Variants in SGCD observed in about 807,000 individuals in gnomAD.
SGCD encodes the protein delta-sarcoglycan.
SGCD carries 18 observed loss-of-function variants against 36.6 expected under a neutral mutation model. The observed-to-expected ratio is 0.49, with a 90% confidence interval of 0.34 to 0.73. SGCD has a LOEUF of 0.73. SGCD is among the 30% of genes least tolerant of loss of function. The pLI, the probability that SGCD is intolerant of heterozygous loss-of-function variation, is 0.01. For synonymous variants in SGCD, 133 were observed against 130.6 expected (o/e 1.02, Z -0.12); for missense variants, 387 against 346.7 (o/e 1.12, Z -0.92).
rs557782379 is a variant in SGCD, at chr5:156,182,119, C to T, written c.-44+58100C>T. Among the ~76,000 whole-genome samples the T allele has an allele frequency of 9.9e-5, 15 of 152,080 alleles. No individual in the cohort carries two copies. The East Asian group carries it at 1.5e-3, about 16-fold the overall frequency. On this transcript the variant is annotated intron_variant, in intron 3 of 9. Transcript: ENST00000517913. ...GTCCTAACTAAAATCCCAACAGATA[C>T]GTTTGTGGAAATTGACACACTGATT...
chr5:156,217,126 G>T (rs528558218), intron 3 of SGCD, among the ~76,000 whole-genome samples: 2 of 151,968 alleles, frequency 1.3e-5, no homozygotes, highest in Non-Finnish European at 2.9e-5. Flanking sequence ...AATGAATGTC[G>T]CATGTTAATA....
chr5:156,654,676 GC>G (rs1419226154), intron 7 of SGCD, among the ~76,000 whole-genome samples: 44 of 152,220 alleles, frequency 2.9e-4, no homozygotes, highest in Middle Eastern at 3.4e-3. Context: ...TAATTGTGGA[GC>G]CCTGCTGTCT....
intron 6 of SGCD, among the ~76,000 whole-genome samples, chr5:156,598,358 A>G (rs918863554): frequency 2.0e-5 from 3 of 152,088 alleles, no homozygotes; most frequent in African/African-American, 7.2e-5. Context: ...CCTGACCAAC[A>G]TGGTGAAACC....
chr5:156,084,409 A>G (rs1761044915), intron 1 of SGCD, among the ~76,000 whole-genome samples: 1 of 152,142 alleles, frequency 6.6e-6, no homozygotes, highest in African/African-American at 2.4e-5. Context: ...TTGTTGGTAT[A>G]TAGAAATGGG....
At chr5:156,189,971 T>G (rs1266016474) in intron 3 of SGCD, among the ~76,000 whole-genome samples, 1 of 152,154 alleles carries the variant, frequency 6.6e-6, no homozygotes, top group Non-Finnish European at 1.5e-5. Context: ...TGAAAGATGT[T>G]GACAAATTAG....
At chr5:156,445,218 C>T (rs982494545) in intron 3 of SGCD, among the ~76,000 whole-genome samples, 5 of 152,012 alleles carry the variant, frequency 3.3e-5, no homozygotes, top group Admixed American at 6.6e-5. Flanking sequence ...TGCCTTATGT[C>T]GATGAGTGTG....
At chr5:155,809,739 A>G in the SGCD span, among the ~76,000 whole-genome samples, 1 of 152,234 alleles carries the variant, frequency 6.6e-6, no homozygotes, top group Non-Finnish European at 1.5e-5. Flanking sequence ...CAAACGTTTA[A>G]ATAAGTGAAT....
chr5:156,030,876 A>G (rs1759335773), intron 1 of SGCD, among the ~76,000 whole-genome samples: 1 of 152,202 alleles, frequency 6.6e-6, no homozygotes, highest in African/African-American at 2.4e-5. Context: ...AGAATATACC[A>G]TGGACTGTGT....
chr5:156,266,372 T>A (rs1345582190), intron 3 of SGCD, among the ~76,000 whole-genome samples: 2 of 152,234 alleles, frequency 1.3e-5, no homozygotes, highest in Non-Finnish European at 2.9e-5. Context: ...ACCAGTAATG[T>A]CAAAAATGTC....
At chr5:156,361,107 C>T (rs1769767283) in intron 3 of SGCD, among the ~76,000 whole-genome samples, 2 of 152,194 alleles carry the variant, frequency 1.3e-5, no homozygotes, top group African/African-American at 4.8e-5. Context: ...GCTGCAGGCC[C>T]CATATGGAGC....
intron 3 of SGCD, among the ~76,000 whole-genome samples, chr5:156,250,021 G>T (rs1765536677): frequency 6.6e-6 from 1 of 152,152 alleles, no homozygotes; most frequent in African/African-American, 2.4e-5. Context: ...CAGAATCCAA[G>T]GTAAAGAGCT....
At chr5:156,417,641 G>A (rs899862983) in intron 3 of SGCD, among the ~76,000 whole-genome samples, 2 of 152,056 alleles carry the variant, frequency 1.3e-5, no homozygotes, top group Non-Finnish European at 2.9e-5. Flanking sequence ...GTGGAGAGAC[G>A]GAGCACTGGT....
chr5:155,937,420 A>T (rs1757232413), intron 1 of SGCD, among the ~76,000 whole-genome samples: 1 of 152,244 alleles, frequency 6.6e-6, no homozygotes, highest in Non-Finnish European at 1.5e-5. Flanking sequence ...TTGGGAAATA[A>T]AGGAACAGAA....
At chr5:156,279,555 A>T (rs1210150443) in intron 3 of SGCD, among the ~76,000 whole-genome samples, 1 of 152,186 alleles carries the variant, frequency 6.6e-6, no homozygotes, top group Non-Finnish European at 1.5e-5. Context: ...AATGTGTGAA[A>T]CTCACAAACA....
chr5:155,847,466 T>C, the SGCD span, among the ~76,000 whole-genome samples: 1 of 152,220 alleles, frequency 6.6e-6, no homozygotes. Context: ...TGTAAGTTCT[T>C]TGACATCTTC....
chr5:156,609,476 C>G (rs4632786), intron 6 of SGCD, among the ~76,000 whole-genome samples: 66 of 152,292 alleles, frequency 4.3e-4, no homozygotes, highest in African/African-American at 1.5e-3. Flanking sequence ...CTGCCCTTAA[C>G]ATTTTTTCCT....
the SGCD span, among the ~76,000 whole-genome samples, chr5:155,769,937 A>G: frequency 1.3e-5 from 2 of 152,036 alleles, no homozygotes; most frequent in Non-Finnish European, 2.9e-5. Flanking sequence ...TCCTTAGGCC[A>G]TGCTTTGTAC....
the SGCD span, among the ~76,000 whole-genome samples, chr5:155,798,527 G>A: frequency 4.6e-5 from 7 of 152,184 alleles, no homozygotes; most frequent in African/African-American, 1.7e-4. Flanking sequence ...TGTATGGTAT[G>A]TGTTGGAACT....
intron 6 of SGCD, among the ~76,000 whole-genome samples, chr5:156,600,861 C>G (rs545242852): frequency 4.6e-5 from 7 of 152,176 alleles, no homozygotes; most frequent in African/African-American, 1.7e-4. Context: ...TGATAATACT[C>G]CTAACTGGAG....
Sources: allele counts gnomAD v4.1 joint callset (sites outside exome capture counted in the v4.1 genomes callset), GRCh38; gene constraint gnomAD v4.1.1; transcripts MANE v1.5; gene names NCBI Gene and HGNC (gene_info 2026-07-23, HGNC 2026-07-21).